Variants in CSMD1 observed in about 807,000 individuals in gnomAD.
CSMD1 encodes CUB and Sushi multiple domains 1, also known as CUB and sushi domain-containing protein 1.
Under a neutral mutation model 417.5 loss-of-function variants are expected in CSMD1, and 213 were observed. That is an observed-to-expected ratio of 0.51 (90% CI 0.46 to 0.57). The LOEUF (loss-of-function observed/expected upper bound fraction) is 0.57, where lower values mean the gene tolerates loss of function less well. Among genes scored for constraint, CSMD1 ranks in the 20% least tolerant of loss-of-function variants. CSMD1 has a pLI of 0.00. For synonymous variants in CSMD1, 2,862 were observed against 1,736.8 expected, an observed-to-expected ratio of 1.65 and a Z score of -16.11; for missense variants, 6,923 against 4,529.7, an observed-to-expected ratio of 1.53 and a Z score of -15.17.
At chr8:3,897,912 G>A (rs567274303) in intron 5 of CSMD1, among the ~76,000 whole-genome samples, 12 of 152,156 alleles carry the variant, frequency 7.9e-5, no homozygotes, top group South Asian at 2.1e-4. Context: ...CCATGTGGAT[G>A]ATACAGTGTA....
rs35220378 is a variant in CSMD1 at position 3,094,097 on chromosome 8, A to AT, written c.7139-2436dup. ...AGAGTTTTAGGGTTTTTTTTATTTT[A>AT]TTTTATTTTTTATTTTTTTATTTTT... On this transcript the variant is annotated intron_variant, in intron 47 of 69. Coordinates refer to ENST00000635120, the MANE Select transcript of CSMD1 (RefSeq NM_033225.6). Among the ~76,000 whole-genome samples the AT allele has an allele frequency of 3.0e-3, 426 of 142,628 alleles. 4 individuals are homozygous for AT. Among genetic ancestry groups the AT allele is most frequent in the South Asian group, 5.3e-3 (23 of 4,378 alleles). 93.6% of individuals were successfully genotyped at this position (142,628 alleles called of 152,430 possible).
intron 52 of CSMD1, among the ~76,000 whole-genome samples, chr8:3,009,526 G>C (rs916969142): frequency 6.6e-6 from 1 of 152,132 alleles, no homozygotes. Context: ...AAAATGTCAG[G>C]TGCATCAGAT....
At chr8:4,894,270 T>C (rs933401241) in intron 1 of CSMD1, among the ~76,000 whole-genome samples, 6 of 152,086 alleles carry the variant, frequency 3.9e-5, no homozygotes, top group South Asian at 4.1e-4. Flanking sequence ...ATCAAGTCTT[T>C]TGTTTTGCTT....
At chr8:4,634,026 T>A (rs1398566214) in intron 2 of CSMD1, among the ~76,000 whole-genome samples, 1 of 151,944 alleles carries the variant, frequency 6.6e-6, no homozygotes, top group African/African-American at 2.4e-5. Context: ...AAGAGATGCT[T>A]TAATTCTAAA....
At chr8:3,873,068 G>T (rs545747790) in intron 5 of CSMD1, among the ~76,000 whole-genome samples, 1 of 152,124 alleles carries the variant, frequency 6.6e-6, no homozygotes, top group South Asian at 2.1e-4. Context: ...TGCTGGCAAG[G>T]TTGCAGATAA....
intron 4 of CSMD1, among the ~76,000 whole-genome samples, chr8:4,014,722 G>A (rs1056404310): frequency 6.6e-6 from 1 of 152,160 alleles, no homozygotes. Flanking sequence ...GTCCTTGCTG[G>A]TAAACACTTC....
chr8:4,641,038 GATTTCA>G (rs1329525110), intron 1 of CSMD1, among the ~76,000 whole-genome samples: 18 of 150,468 alleles, frequency 1.2e-4, no homozygotes, highest in Non-Finnish European at 3.0e-5. Flanking sequence ...TTTCAATTTC[GATTTCA>G]ATTTCATATA....
chr8:3,515,638 G>T (rs1333697540), intron 10 of CSMD1, among the ~76,000 whole-genome samples: 1 of 152,212 alleles, frequency 6.6e-6, no homozygotes, highest in East Asian at 1.9e-4. Context: ...CAGGCCACTG[G>T]AAATGTGGCC....
At chr8:4,776,956 G>C (rs1292007936) in intron 1 of CSMD1, among the ~76,000 whole-genome samples, 1 of 152,040 alleles carries the variant, frequency 6.6e-6, no homozygotes, top group South Asian at 2.1e-4. Flanking sequence ...AAAATTACGA[G>C]CTAACAATTA....
At chr8:3,943,012 G>C (rs1296470646) in intron 5 of CSMD1, among the ~76,000 whole-genome samples, 1 of 152,100 alleles carries the variant, frequency 6.6e-6, no homozygotes, top group South Asian at 2.1e-4. Flanking sequence ...AAATTATTAA[G>C]TTTTATTTTG....
chr8:3,671,931 T>G (rs1799092611), intron 7 of CSMD1, among the ~76,000 whole-genome samples: 1 of 152,144 alleles, frequency 6.6e-6, no homozygotes, highest in Non-Finnish European at 1.5e-5. Context: ...CTGCTGGTCA[T>G]TTTTGAAAGA....
intron 26 of CSMD1, among the ~76,000 whole-genome samples, chr8:3,269,046 C>A (rs113043459): frequency 6.6e-6 from 1 of 152,166 alleles, no homozygotes; most frequent in African/African-American, 2.4e-5. Flanking sequence ...TAATCAATCT[C>A]GCTAATGTTA....
At position 4,319,665 on chromosome 8, in the gene CSMD1, AG is replaced by A. The variant is rs1799153142; in HGVS notation, c.415+100287del. On this transcript the variant is annotated intron_variant, in intron 3 of 69. Coordinates refer to ENST00000635120, the MANE Select transcript of CSMD1 (RefSeq NM_033225.6). ...AGTTCACTGCCTGGAAAGAGAGGCC[AG>A]GGAACAGAGAAGGGAAGCAATCCAA... Among the ~76,000 whole-genome samples the A allele has an allele frequency of 2.0e-5, 3 of 152,242 alleles. No individual in the cohort carries two copies. The South Asian group carries it at 6.2e-4, about 32-fold the overall frequency.
At chr8:4,381,307 G>T (rs1397463059) in intron 3 of CSMD1, among the ~76,000 whole-genome samples, 3 of 152,094 alleles carry the variant, frequency 2.0e-5, no homozygotes, top group Non-Finnish European at 4.4e-5. Flanking sequence ...CACTGGGTGG[G>T]GAATTGCACT....
In CSMD1 at chr8:4,387,354, G is replaced by A. The variant is rs565634444; in HGVS notation, c.415+32599C>T. Among the ~76,000 whole-genome samples the A allele has an allele frequency of 1.2e-4, 18 of 152,118 alleles. No individual in the cohort carries two copies. In the East Asian group the frequency reaches 3.3e-3, roughly 28 times the overall value. ...TAAGTGACAAATGAGCCTACACTCA[G>A]AAGTGCAAATTTCTTCTTATGTGTT... is the stretch of plus-strand genomic sequence containing the variant. On this transcript the variant is annotated intron_variant, in intron 3 of 69. Transcript: ENST00000635120.
chr8:4,162,109 T>C (rs781326430), intron 3 of CSMD1, among the ~76,000 whole-genome samples: 1 of 152,206 alleles, frequency 6.6e-6, no homozygotes, highest in Non-Finnish European at 1.5e-5. Context: ...TGAAGCAATA[T>C]ATGGTTACAT....
chr8:4,658,395 A>T (rs546737484), intron 1 of CSMD1, among the ~76,000 whole-genome samples: 131 of 152,254 alleles, frequency 8.6e-4, no homozygotes, highest in Non-Finnish European at 1.4e-3. Flanking sequence ...TAGAAAGAGC[A>T]CCTGCAAATT....
chr8:3,683,328 G>T (rs1392254408), intron 7 of CSMD1, among the ~76,000 whole-genome samples: 1 of 152,104 alleles, frequency 6.6e-6, no homozygotes, highest in Non-Finnish European at 1.5e-5. Flanking sequence ...TTCTTTCATT[G>T]TGTTCTCTTA....
intron 7 of CSMD1, among the ~76,000 whole-genome samples, chr8:3,635,403 G>T (rs1446446450): frequency 6.6e-6 from 1 of 151,732 alleles, no homozygotes; most frequent in Non-Finnish European, 1.5e-5. Context: ...GAACCCGGTT[G>T]AACCTGGGAG....
Sources: gnomAD v4.1 joint callset for allele counts (sites outside exome capture counted in the v4.1 genomes callset) on GRCh38, gnomAD v4.1.1 for gene constraint, MANE v1.5 for transcripts, NCBI Gene and HGNC (gene_info 2026-07-23, HGNC 2026-07-21) for gene names.